CDK6: variants seen among roughly 807,000 people sequenced by gnomAD.
CDK6 encodes cyclin dependent kinase 6, also known as cyclin-dependent kinase 6.
CDK6 carries 6 observed loss-of-function variants against 37.1 expected under a neutral mutation model. The observed-to-expected ratio is 0.16, with a 90% CI of 0.09 to 0.32. The LOEUF (loss-of-function observed/expected upper bound fraction) is 0.32. Among genes scored for constraint, CDK6 ranks in the 10% least tolerant of loss-of-function variants. The pLI is 1.00. For missense variants in CDK6, 224 were observed against 418.9 expected, an observed-to-expected ratio of 0.53 and a Z score of 4.06; for synonymous variants, 160 against 161.3, an observed-to-expected ratio of 0.99 and a Z score of 0.06.
At chr7:92,828,038 G>A (rs1424895372) in intron 2 of CDK6, among the ~76,000 whole-genome samples, 1 of 151,930 alleles carries the variant, frequency 6.6e-6, no homozygotes, top group Non-Finnish European at 1.5e-5. Context: ...CAAGTACTAA[G>A]TGTTTCAATT....
At chr7:92,788,248 T>A (rs1800194135) in intron 2 of CDK6, among the ~76,000 whole-genome samples, 1 of 152,210 alleles carries the variant, frequency 6.6e-6, no homozygotes, top group South Asian at 2.1e-4. Flanking sequence ...GGAAAATGTT[T>A]CATGGTGTTA....
intron 5 of CDK6, among the ~76,000 whole-genome samples, chr7:92,633,698 A>C (rs1265258385): frequency 6.6e-6 from 1 of 151,770 alleles, no homozygotes; most frequent in Non-Finnish European, 1.5e-5. Flanking sequence ...ATGTGGACAA[A>C]CTGTTCTGAA....
Position 92,605,032 on chromosome 7 carries a change from T to C in CDK6, c.*10108A>G. 1 of 230,708 alleles carries C rather than the reference T, an allele frequency of 4.3e-6. No homozygotes were observed. Among genetic ancestry groups the C allele is most frequent in the African/African-American group, 2.2e-5 (1 of 45,330 alleles). The allele number at this position is 230,708 out of a possible 1,614,324, so 14.3% of individuals were successfully genotyped here. On this transcript the variant is annotated 3_prime_UTR_variant, in exon 8 of 8. Transcript: ENST00000424848. ...AGTAATTCATCTCCAGAAAGCAGTT[T>C]AAAGTTATTGTTTTTATTATTTTTA...
At chr7:92,783,342 C>A (rs898491662) in intron 2 of CDK6, among the ~76,000 whole-genome samples, 3 of 152,198 alleles carry the variant, frequency 2.0e-5, no homozygotes, top group African/African-American at 7.2e-5. Context: ...CAACCCCTTT[C>A]CCACTAGCTG....
At chr7:92,700,329 T>TG (rs1275230467) in intron 4 of CDK6, among the ~76,000 whole-genome samples, 6 of 152,212 alleles carry the variant, frequency 3.9e-5, no homozygotes, top group Non-Finnish European at 8.8e-5. Context: ...AAATTGGAGA[T>TG]GATCCTGAAG....
At chr7:92,780,001 T>C (rs1305795473) in intron 2 of CDK6, among the ~76,000 whole-genome samples, 1 of 152,234 alleles carries the variant, frequency 6.6e-6, no homozygotes, top group Admixed American at 6.5e-5. Flanking sequence ...TCTTTTAAGA[T>C]GGAGTCTCAC....
chr7:92,818,161 A>C (rs1438572165), intron 2 of CDK6, among the ~76,000 whole-genome samples: 1 of 152,006 alleles, frequency 6.6e-6, no homozygotes, highest in Non-Finnish European at 1.5e-5. Context: ...ATTTTGAAAA[A>C]CAAGAACAAA....
At chr7:92,700,062 C>T (rs1056479130) in intron 4 of CDK6, among the ~76,000 whole-genome samples, 4 of 151,914 alleles carry the variant, frequency 2.6e-5, no homozygotes, top group South Asian at 2.1e-4. Context: ...AGGGGTGAGG[C>T]GGGGTGCAGG....
chr7:92,670,495 A>G (rs1391909853), intron 5 of CDK6, among the ~76,000 whole-genome samples: 1 of 152,228 alleles, frequency 6.6e-6, no homozygotes, highest in Non-Finnish European at 1.5e-5. Flanking sequence ...ACCTTTTCCC[A>G]TGGAAATAAA....
chr7:92,734,979 TG>T, intron 3 of CDK6, among the ~76,000 whole-genome samples: 1 of 152,310 alleles, frequency 6.6e-6, no homozygotes, highest in South Asian at 2.1e-4. Flanking sequence ...TTCCACAGCT[TG>T]GGGTAGGACT....
chr7:92,822,149 T>C (rs370330721), intron 2 of CDK6, among the ~76,000 whole-genome samples: 1 of 152,196 alleles, frequency 6.6e-6, no homozygotes, highest in East Asian at 1.9e-4. Flanking sequence ...GTTCACAAAC[T>C]TCCATCAAAA....
chr7:92,694,923 A>G (rs1797674356), intron 4 of CDK6, among the ~76,000 whole-genome samples: 1 of 152,202 alleles, frequency 6.6e-6, no homozygotes, highest in South Asian at 2.1e-4. Flanking sequence ...GTCTTTAGAA[A>G]TTACCAAAGA....
chr7:92,700,133 G>A (rs1471191141), intron 4 of CDK6, among the ~76,000 whole-genome samples: 3 of 152,166 alleles, frequency 2.0e-5, no homozygotes, highest in Non-Finnish European at 2.9e-5. Flanking sequence ...CTGGTAGAGA[G>A]AGCAACATGA....
intron 2 of CDK6, among the ~76,000 whole-genome samples, chr7:92,799,070 TAAC>T (rs567808482): frequency 5.6e-4 from 86 of 152,248 alleles, no homozygotes; most frequent in African/African-American, 2.0e-3. Context: ...TATTTCCTCA[TAAC>T]AACAAAAATG....
At chr7:92,663,222 A>C (rs1331388945) in intron 5 of CDK6, among the ~76,000 whole-genome samples, 3 of 152,112 alleles carry the variant, frequency 2.0e-5, no homozygotes, top group Non-Finnish European at 2.9e-5. Context: ...AAGCAGATAA[A>C]ATCTGGTTTG....
At chr7:92,672,184 G>GACACACACACACACACACACACACACAC (rs1175195840) in intron 4 of CDK6, among the ~76,000 whole-genome samples, 4 of 44,132 alleles carry the variant, frequency 9.1e-5, no homozygotes, top group East Asian at 1.2e-3. Flanking sequence ...CACACACACA[G>GACACACACACACACACACACACACACAC]ACACATACAC....
intron 2 of CDK6, among the ~76,000 whole-genome samples, chr7:92,796,824 CAGG>C (rs1459172141): frequency 1.1e-4 from 17 of 152,108 alleles, no homozygotes; most frequent in African/African-American, 3.9e-4. Context: ...AATTTATCTC[CAGG>C]AGGTTAGCTT....
intron 2 of CDK6, among the ~76,000 whole-genome samples, chr7:92,821,419 T>C (rs1055209105): frequency 6.6e-6 from 1 of 152,126 alleles, no homozygotes; most frequent in African/African-American, 2.4e-5. Context: ...TTCATGAATA[T>C]AAGATAATGG....
rs1353766695 is a variant in CDK6 at position 92,606,056 on chromosome 7, C to T, written c.*9084G>A. On this transcript the variant is annotated 3_prime_UTR_variant, in exon 8 of 8. Coordinates refer to ENST00000424848, the MANE Select transcript of CDK6 (RefSeq NM_001145306.2). The stretch of plus-strand genomic sequence containing the variant: ...AAACGGAATAAGAATAATTATGCAC[C>T]TTTAAGGAACATGCACCCTTATAAG... 4.3e-6 allele frequency: 1 copy of T among 233,524 alleles called. No individual in the cohort carries two copies. The highest frequency in any genetic ancestry group is 5.6e-5 in the Admixed American group (1 of 17,768). 14.5% of individuals were successfully genotyped at this position (233,524 alleles called of 1,614,324 possible).
Sources: gnomAD v4.1 joint callset for allele counts (sites outside exome capture counted in the v4.1 genomes callset) on GRCh38, gnomAD v4.1.1 for gene constraint, MANE v1.5 for transcripts, NCBI Gene and HGNC (gene_info 2026-07-23, HGNC 2026-07-21) for gene names.